Variants in HAUS6 observed in about 807,000 individuals in gnomAD.
HAUS6 encodes HAUS augmin-like complex subunit 6.
HAUS6 carries 80 observed loss-of-function variants against 106.8 expected under a neutral mutation model. That is an observed-to-expected ratio of 0.75 (90% CI 0.63 to 0.90). HAUS6 has a LOEUF of 0.90. HAUS6 is among the 40% of genes least tolerant of loss of function. The pLI is 0.00. For synonymous variants in HAUS6, 356 were observed against 379.1 expected, an observed-to-expected ratio of 0.94 and a Z score of 0.71; for missense variants, 1,155 against 1,118.1, an observed-to-expected ratio of 1.03 and a Z score of -0.47.
At chr9:19,081,073 A>C (rs1227127880) in intron 8 of HAUS6, among the ~76,000 whole-genome samples, 1 of 150,108 alleles carries the variant, frequency 6.7e-6, no homozygotes, top group Non-Finnish European at 1.5e-5. Context: ...ACTCCATCTC[A>C]AACAAACAAA....
Position 19,056,535 on chromosome 9 carries a change from T to A in HAUS6, c.2807-131A>T, listed in dbSNP as rs993433967. 6 of 605,998 alleles carry A rather than the reference T, an allele frequency of 9.9e-6. No individual in the cohort carries two copies. The African/African-American group carries it at 1.1e-4, about 11-fold the overall frequency. 37.5% of individuals were successfully genotyped at this position (605,998 alleles called of 1,614,324 possible). On this transcript the variant is annotated intron_variant, in intron 16 of 16. Coordinates refer to ENST00000380502, the MANE Select transcript of HAUS6 (RefSeq NM_017645.5). The stretch of plus-strand genomic sequence containing the variant: ...TTGCAAATACTTGATTATGATAAAA[T>A]TATTATTATTCTCACCAAAGTACCC...
chr9:19,069,515 C>A (rs977684673), intron 12 of HAUS6, among the ~76,000 whole-genome samples: 1 of 151,908 alleles, frequency 6.6e-6, no homozygotes, highest in Non-Finnish European at 1.5e-5. Context: ...ATGGTGAAAC[C>A]TCATCTCTAC....
chr9:19,087,146 T>G lies in HAUS6; in HGVS notation c.595A>C (p.Lys199Gln). 1 of 1,499,612 alleles carries G rather than the reference T, an allele frequency of 6.7e-7. No individual in the cohort carries two copies. Among genetic ancestry groups the G allele is most frequent in the Non-Finnish European group, 9.3e-7 (1 of 1,076,316 alleles). 92.9% of individuals were successfully genotyped at this position (1,499,612 alleles called of 1,614,324 possible). ...TCAGATCTCAAGTTTCGTACCTGCT[T>G]AACTGATAATCTGCAAGAAAACATA... The part of the protein sequence containing the change: ...KYQENAQLSV[K>Q]QVRNLRSECI... Residue 199 changes from lysine to glutamine, a missense_variant, in exon 6 of 17, where the codon AAG becomes CAG. Transcript: ENST00000380502.
At chr9:19,075,999 G>C (rs1424779269) in intron 11 of HAUS6, among the ~76,000 whole-genome samples, 1 of 151,104 alleles carries the variant, frequency 6.6e-6, no homozygotes, top group South Asian at 2.1e-4. Flanking sequence ...ATTACTGGCT[G>C]CCAGGGACTA....
chr9:19,074,941 G>A (rs1055245348), intron 11 of HAUS6, among the ~76,000 whole-genome samples: 1 of 152,126 alleles, frequency 6.6e-6, no homozygotes, highest in Non-Finnish European at 1.5e-5. Context: ...TGTACAGAAT[G>A]TTTATAGAAG....
chr9:19,087,172 C>T lies in HAUS6; in HGVS notation c.585-16G>A, dbSNP rs776482405. ...AACTGATAATCTGCAAGAAAACATA[C>T]AAAATGACAACTATAATACCATTAC... On this transcript the variant is annotated splice_polypyrimidine_tract_variant and intron_variant, in intron 5 of 16. Coordinates refer to ENST00000380502, the MANE Select transcript of HAUS6 (RefSeq NM_017645.5). 1.6e-5 allele frequency: 21 copies of T among 1,330,358 alleles called. No homozygotes were observed. Among genetic ancestry groups the T allele is most frequent in the Non-Finnish European group, 2.1e-5 (19 of 922,906 alleles). 82.4% of individuals were successfully genotyped at this position (1,330,358 alleles called of 1,614,324 possible).
At chr9:19,095,174 G>C (rs566058095) in intron 2 of HAUS6, among the ~76,000 whole-genome samples, 107 of 151,400 alleles carry the variant, frequency 7.1e-4, no homozygotes, top group African/African-American at 2.2e-3. Flanking sequence ...CTATTATTTT[G>C]TGGCTAAACA....
chr9:19,080,384 T>A, intron 9 of HAUS6, 95 bp downstream of exon 9: 1 of 743,008 alleles, frequency 1.3e-6, no homozygotes, highest in African/African-American at 1.8e-5. Flanking sequence ...TCATACTTGT[T>A]TGCCAAAGCT....
intron 1 of HAUS6, among the ~76,000 whole-genome samples, chr9:19,099,698 G>T (rs188573667): frequency 6.6e-6 from 1 of 152,294 alleles, no homozygotes; most frequent in Admixed American, 6.5e-5. Flanking sequence ...CTGGCCTCAA[G>T]CAATCTCCCA....
intron 2 of HAUS6, among the ~76,000 whole-genome samples, chr9:19,095,365 G>C (rs10963962): frequency 5.9e-5 from 9 of 151,890 alleles, no homozygotes; most frequent in Non-Finnish European, 1.2e-4. Context: ...AGAAAAAACT[G>C]AGCATGCATA....
Position 19,063,088 on chromosome 9 carries a change from C to T in HAUS6, c.1549G>A (p.Glu517Lys), listed in dbSNP as rs1564007953. The change falls in exon 14 of 17, where the codon GAG (glutamate) becomes AAG (lysine). Residue 517 changes from glutamate to lysine, a missense_variant. Physicochemically the swap from Glu to Lys is moderately conservative, Grantham distance 56. Transcript: ENST00000380502. ...AAAGACCCTCCAAATGCACTACTCT[C>T]TGTATTCTTTGCAACATCTGATAAT... Reference protein sequence around the residue: ...SPLSDVAKNTESSAFGGSLPA... With the variant: ...SPLSDVAKNTKSSAFGGSLPA... 1.9e-6 allele frequency: 3 copies of T among 1,609,650 alleles called. No individual in the cohort carries two copies. The highest frequency in any genetic ancestry group is 2.5e-6 in the Non-Finnish European group (3 of 1,177,240).
chr9:19,061,906 T>C (rs1181350482), intron 14 of HAUS6, among the ~76,000 whole-genome samples: 1 of 152,186 alleles, frequency 6.6e-6, no homozygotes, highest in Non-Finnish European at 1.5e-5. Flanking sequence ...TGATCAGGAA[T>C]GCAATAAAGG....
chr9:19,060,041 G>C, intron 15 of HAUS6, 47 bp downstream of exon 15: 1 of 1,491,848 alleles, frequency 6.7e-7, no homozygotes, highest in Non-Finnish European at 9.2e-7. Flanking sequence ...TCTAACAGTG[G>C]TTATGTCGAT....
chr9:19,058,393 A>T lies in HAUS6; in HGVS notation c.2374T>A (p.Ser792Thr). ...TTAAAATTGGCCTCTGAACTACTGG[A>T]ACTATTAAAACTTAGATGACCAACT... ...EEVGHLSFNS[S>T]SSSEANFKLE... The change falls in exon 16 of 17, where the codon TCC becomes ACC. Residue 792 changes from serine to threonine, a missense_variant. Physicochemically the swap from Ser to Thr is moderately conservative, Grantham distance 58 (BLOSUM62 1). Around this residue, in one of 3 missense-constraint regions of HAUS6, gnomAD observed 380 missense variants for 394.8 expected, o/e 0.96. Transcript: ENST00000380502. The T allele has an allele frequency of 6.2e-7, 1 of 1,613,864 alleles. No homozygotes were observed. The highest frequency in any genetic ancestry group is 8.5e-7 in the Non-Finnish European group (1 of 1,179,824).
At chr9:19,099,287 C>T (rs1005403233) in intron 1 of HAUS6, among the ~76,000 whole-genome samples, 1 of 151,644 alleles carries the variant, frequency 6.6e-6, no homozygotes, top group Non-Finnish European at 1.5e-5. Context: ...CTGCCTCAGC[C>T]TCCCGAATAG....
At chr9:19,074,038 GGAGTTT>G in intron 11 of HAUS6, 1 of 152,188 alleles carries the variant, frequency 6.6e-6, no homozygotes, top group Non-Finnish European at 1.5e-5. Flanking sequence ...GCTGAGCTCA[GGAGTTT>G]GAGACCAGCC....
rs140318756 is a variant in HAUS6 at position 19,075,675 on chromosome 9, C to T, written c.1294+927G>A. Among the ~76,000 whole-genome samples, 840 of 152,212 alleles carry T rather than the reference C, an allele frequency of 5.5e-3. 9 individuals are homozygous for T. The highest frequency in any genetic ancestry group is 0.02 in the African/African-American group (814 of 41,530). ...AGAGATAAGAAGTACATTAATGGGC[C>T]AGGCACAGTGGCTCACACCTATAAT... On this transcript the variant is annotated intron_variant, in intron 11 of 16. Coordinates refer to ENST00000380502, the MANE Select transcript of HAUS6 (RefSeq NM_017645.5).
intron 11 of HAUS6, 107 bp downstream of exon 11, chr9:19,076,494 TA>T (rs929409138): frequency 1.3e-3 from 831 of 640,130 alleles, no homozygotes; most frequent in Non-Finnish European, 1.5e-3. Flanking sequence ...TTCACCACAA[TA>T]AAAAAAAATG....
chr9:19,088,680 C>T (rs1817682905), intron 5 of HAUS6, among the ~76,000 whole-genome samples: 1 of 141,072 alleles, frequency 7.1e-6, no homozygotes, highest in South Asian at 2.3e-4. Flanking sequence ...CCAGCATGGT[C>T]AACATGGCAA....
Sources: gnomAD v4.1 joint callset for allele counts (sites outside exome capture counted in the v4.1 genomes callset) on GRCh38, gnomAD v4.1.1 for gene constraint, gnomAD v4.1.1 regional missense constraint, MANE v1.5 for transcripts, NCBI Gene and HGNC (gene_info 2026-07-23, HGNC 2026-07-21) for gene names.